The following SLC25A35 variants were observed in gnomAD, a reference collection of about 807,000 sequenced individuals.
The protein encoded by SLC25A35 is solute carrier family 25, member 35.
SLC25A35 carries 32 observed loss-of-function variants against 30.5 expected under a neutral mutation model. That is an observed-to-expected ratio of 1.05 (90% CI 0.79 to 1.41). The LOEUF is 1.41. Among genes scored for constraint, SLC25A35 ranks in the 40% most tolerant of loss-of-function variants. SLC25A35 has a pLI of 0.00. For missense variants in SLC25A35, 369 were observed against 388.0 expected (o/e 0.95, Z 0.41); for synonymous variants, 142 against 158.1 (o/e 0.90, Z 0.77).
At chr17:8,288,730 G>A, downstream of SLC25A35, 1 of 1,583,524 alleles carries the variant, frequency 6.3e-7, no homozygotes, top group South Asian at 1.1e-5. Flanking sequence ...CCGATGCCAC[G>A]TGACCCAATG....
intron 1 of SLC25A35, 64 bp downstream of exon 1, chr17:8,294,369 G>C (rs1990719099): frequency 6.0e-6 from 9 of 1,489,796 alleles, no homozygotes; most frequent in Middle Eastern, 2.5e-4. Context: ...CCTTGGGAAA[G>C]AACAGCTCCT....
chr17:8,290,728 G>A, intron 4 of SLC25A35, 50 bp from the exon 5 acceptor site: 1 of 1,601,358 alleles, frequency 6.2e-7, no homozygotes, highest in Non-Finnish European at 8.5e-7. Context: ...GAGTTTGTCA[G>A]AGCCCACCAG....
chr17:8,288,598 A>T, downstream of SLC25A35: 1 of 672,308 alleles, frequency 1.5e-6, no homozygotes, highest in Non-Finnish European at 2.6e-6. Flanking sequence ...AAAGCCGCTG[A>T]CCCCCGCCCC....
chr17:8,289,312 G>A (rs751751942), downstream of SLC25A35: 7 of 1,614,046 alleles, frequency 4.3e-6, no homozygotes, highest in African/African-American at 1.3e-5. Flanking sequence ...TCCATGTGGA[G>A]TCTGTTCAGC....
chr17:8,292,872 A>T (rs1463964529), intron 1 of SLC25A35, among the ~76,000 whole-genome samples: 1 of 152,038 alleles, frequency 6.6e-6, no homozygotes, highest in Admixed American at 6.5e-5. Flanking sequence ...GAGAATGGCA[A>T]TATTTCCTAA....
downstream of SLC25A35, chr17:8,289,868 C>T (rs755816071): frequency 5.0e-6 from 8 of 1,613,994 alleles, no homozygotes; most frequent in Admixed American, 6.7e-5. Flanking sequence ...ACCCTGGAGC[C>T]TGGGTGACTT....
chr17:8,289,854 C>T (rs767808535), downstream of SLC25A35: 2 of 1,614,166 alleles, frequency 1.2e-6, no homozygotes, highest in African/African-American at 2.7e-5. Context: ...AATCTGTCAC[C>T]TGCACCCTGG....
chr17:8,288,487 C>G (rs1990219044), downstream of SLC25A35: 1 of 491,226 alleles, frequency 2.0e-6, no homozygotes, highest in South Asian at 2.1e-5. Flanking sequence ...GGAGCATGCT[C>G]GTGACCACCG....
chr17:8,292,430 A>G, intron 2 of SLC25A35, 93 bp downstream of exon 2: 2 of 1,215,330 alleles, frequency 1.6e-6, no homozygotes, highest in Non-Finnish European at 2.4e-6. Context: ...TGAGCAGAGC[A>G]GTGGCTGGGA....
At position 8,290,313 on chromosome 17, in the gene SLC25A35, T is replaced by G; in HGVS notation, c.*192A>C. 5 of 1,430,972 alleles carry G rather than the reference T, an allele frequency of 3.5e-6. No individual in the cohort carries two copies. The East Asian group carries it at 1.3e-4, about 36-fold the overall frequency. The allele number at this position is 1,430,972 out of a possible 1,614,324, so 88.6% of individuals were successfully genotyped here. On this transcript the variant is annotated 3_prime_UTR_variant, in exon 5 of 5. Coordinates refer to ENST00000577745, the MANE Select transcript of SLC25A35 (RefSeq NM_001320870.2). ...ACCCAGGGAATGGGTAGGGAAGGTT[T>G]AAAGCAACACCCAAGGAAAGAAGGG...
chr17:8,288,292 T>G, downstream of SLC25A35: 1 of 177,568 alleles, frequency 5.6e-6, no homozygotes, highest in Non-Finnish European at 1.2e-5. Flanking sequence ...TACAAGTAAT[T>G]AAAAATTTAG....
At chr17:8,291,164 G>A (rs556366873) in intron 3 of SLC25A35, among the ~76,000 whole-genome samples, 169 bp downstream of exon 3, 117 of 152,234 alleles carry the variant, frequency 7.7e-4, no homozygotes, top group African/African-American at 2.6e-3. Flanking sequence ...ACCCCTTCTG[G>A]GAGGAAGTGA....
chr17:8,288,756 CCTTT>C (rs766892536), downstream of SLC25A35: 9 of 1,611,730 alleles, frequency 5.6e-6, no homozygotes, highest in African/African-American at 1.2e-4. Context: ...TTCTTTTAAA[CCTTT>C]CTAATGCCCA....
chr17:8,294,694 T>C lies in SLC25A35; in HGVS notation c.114A>G (p.Thr38=), dbSNP rs769088439. Residue 38 remains threonine (T), a synonymous_variant, in exon 1 of 5, where the codon ACA becomes ACG. Coordinates refer to ENST00000577745, the MANE Select transcript of SLC25A35 (RefSeq NM_001320870.2). ...AGACATTTCGGTAGTGCCGCTGGTA[T>C]GTGCCAGGGGCCTGCAGTTCTCCTT... The part of the protein sequence containing the change: ...QLQGELQAPG[T]YQRHYRNVFH... 2.5e-6 allele frequency: 4 copies of C among 1,614,204 alleles called. No homozygotes were observed. Among genetic ancestry groups the C allele is most frequent in the African/African-American group, 1.3e-5 (1 of 75,068 alleles).
intron 3 of SLC25A35, among the ~76,000 whole-genome samples, 161 bp downstream of exon 3, chr17:8,291,172 T>C (rs1376114034): frequency 6.6e-6 from 1 of 152,008 alleles, no homozygotes; most frequent in Non-Finnish European, 1.5e-5. Flanking sequence ...TGGGAGGAAG[T>C]GACAAGAGAA....
At chr17:8,289,201 A>G, downstream of SLC25A35, 1 of 1,605,822 alleles carries the variant, frequency 6.2e-7, no homozygotes, top group Non-Finnish European at 8.5e-7. Flanking sequence ...CAACTTAAAG[A>G]TGCTCCCGGG....
rs748939832 is a variant in SLC25A35 at position 8,291,008 on chromosome 17, C to T, written c.595-32G>A. 14 of 1,612,340 alleles carry T rather than the reference C, an allele frequency of 8.7e-6. No homozygotes were observed. The African/African-American group carries it at 1.7e-4, about 20-fold the overall frequency. On this transcript the variant is annotated intron_variant, in intron 3 of 4. Coordinates refer to ENST00000577745, the MANE Select transcript of SLC25A35 (RefSeq NM_001320870.2). Reference sequence around the variant, plus strand: ...GGGTAGAGAGGAAGAGCGTTGTCAACCAGCCAACTATTACACCCCAAGGAC... The same window carrying T: ...GGGTAGAGAGGAAGAGCGTTGTCAATCAGCCAACTATTACACCCCAAGGAC...
At position 8,292,507 on chromosome 17, in the gene SLC25A35, A is replaced by C. The variant is rs1161696345; in HGVS notation, c.441+16T>G. Reference sequence around the variant, plus strand: ...AAAGGATGGTCAGGGACTTTGGCAGACTTGGGAACCCTCACCTGATGCTTA... The same window carrying C: ...AAAGGATGGTCAGGGACTTTGGCAGCCTTGGGAACCCTCACCTGATGCTTA... On this transcript the variant is annotated intron_variant, in intron 2 of 4. Transcript: ENST00000577745. 2 of 1,613,694 alleles carry C rather than the reference A, an allele frequency of 1.2e-6. No homozygotes were observed. The highest frequency in any genetic ancestry group is 2.7e-5 in the African/African-American group (2 of 74,902).
rs886362237 is a variant in SLC25A35 at position 8,290,627 on chromosome 17, C to A, written c.781G>T (p.Glu261Ter). ...LDALLQTART[E>*]GIFGMYKGIG... ...CCCTTGTACATGCCAAAAATGCCCT[C>A]GGTCCGAGCTGTCTGCAGCAGAGCG... Residue 261 changes from glutamate to a stop codon, truncating the protein, a stop_gained, in exon 5 of 5, where the codon GAG (glutamate) becomes TAG (stop). Transcript: ENST00000577745. LOFTEE classifies it high-confidence loss of function. 1 of 1,540,042 alleles carries A rather than the reference C, an allele frequency of 6.5e-7. No individual in the cohort carries two copies. The highest frequency in any genetic ancestry group is 8.7e-7 in the Non-Finnish European group (1 of 1,148,576).
Sources: allele counts gnomAD v4.1 joint callset (sites outside exome capture counted in the v4.1 genomes callset), GRCh38; gene constraint gnomAD v4.1.1; transcripts MANE v1.5; gene names NCBI Gene and HGNC (gene_info 2026-07-23, HGNC 2026-07-21).